BBS9: variants seen among roughly 807,000 people sequenced by gnomAD.
The protein encoded by BBS9 is Bardet-Biedl syndrome 9.
Under a neutral mutation model 117.7 loss-of-function variants are expected in BBS9, and 89 were observed. The ratio of observed to expected loss-of-function variants is 0.76; its 90% CI spans 0.64 to 0.90. BBS9 has a LOEUF of 0.90. Among genes scored for constraint, BBS9 ranks in the 40% least tolerant of loss-of-function variants. The pLI is 0.00. For missense variants in BBS9, 982 were observed against 1,042.2 expected (o/e 0.94, Z 0.80); for synonymous variants, 379 against 370.9 (o/e 1.02, Z -0.25).
At chr7:33,533,670 G>A (rs556773379) in intron 20 of BBS9, 1 of 482,714 alleles carries the variant, frequency 2.1e-6, no homozygotes, top group African/African-American at 1.9e-5. Flanking sequence ...CTGGCTCAGA[G>A]CTAAACCCTT....
chr7:33,184,682 C>T (rs907433517), intron 5 of BBS9, among the ~76,000 whole-genome samples: 2 of 152,118 alleles, frequency 1.3e-5, no homozygotes, highest in Admixed American at 1.3e-4. Context: ...TCAGGAGTCT[C>T]CTTCGTATCG....
intron 4 of BBS9, among the ~76,000 whole-genome samples, chr7:33,167,232 T>G (rs73095361): frequency 0.1 from 15,646 of 152,130 alleles, 1,119 homozygotes; most frequent in Non-Finnish European, 0.16. Context: ...GTTATAGGTA[T>G]TTTGACTTGG....
intron 1 of BBS9, among the ~76,000 whole-genome samples, chr7:33,138,780 G>A (rs1162964430): frequency 6.6e-6 from 1 of 150,682 alleles, no homozygotes; most frequent in African/African-American, 2.4e-5. Flanking sequence ...GGAAAGATGG[G>A]GTCTTGCTAT....
At chr7:33,231,371 CTG>C (rs1364229235) in intron 5 of BBS9, among the ~76,000 whole-genome samples, 1 of 144,032 alleles carries the variant, frequency 6.9e-6, no homozygotes, top group African/African-American at 2.5e-5. Flanking sequence ...TGTTGGTAGA[CTG>C]TATTAATTTG....
intron 21 of BBS9, among the ~76,000 whole-genome samples, chr7:33,572,764 T>G (rs1448151844): frequency 6.6e-6 from 1 of 152,074 alleles, no homozygotes. Flanking sequence ...GTCTGTTCAA[T>G]CTTTTACCCA....
At chr7:33,602,988 G>A (rs1261809284) in intron 21 of BBS9, among the ~76,000 whole-genome samples, 1 of 152,196 alleles carries the variant, frequency 6.6e-6, no homozygotes, top group Non-Finnish European at 1.5e-5. Flanking sequence ...TAGAGAACTA[G>A]GAAGTCTTCT....
intron 19 of BBS9, among the ~76,000 whole-genome samples, chr7:33,435,375 A>G (rs185361920): frequency 1.3e-5 from 2 of 152,290 alleles, no homozygotes; most frequent in East Asian, 1.9e-4. Context: ...TGTGAGTACA[A>G]TTTCTTGTCT....
intron 19 of BBS9, among the ~76,000 whole-genome samples, chr7:33,460,100 A>C (rs886936134): frequency 2.6e-5 from 4 of 152,164 alleles, no homozygotes; most frequent in Non-Finnish European, 5.9e-5. Context: ...TTTATTTCAT[A>C]GCCTCCTACA....
intron 19 of BBS9, among the ~76,000 whole-genome samples, chr7:33,490,941 T>C (rs1289337653): frequency 6.6e-6 from 1 of 152,228 alleles, no homozygotes; most frequent in African/African-American, 2.4e-5. Context: ...TGAATCTTGC[T>C]GCATGACTGT....
intron 5 of BBS9, among the ~76,000 whole-genome samples, chr7:33,185,034 G>C (rs1348325838): frequency 6.6e-6 from 1 of 152,210 alleles, no homozygotes; most frequent in Non-Finnish European, 1.5e-5. Context: ...ATGTTGCCAT[G>C]GCATTTGTAA....
intron 21 of BBS9, among the ~76,000 whole-genome samples, chr7:33,612,631 A>C (rs1349549669): frequency 6.6e-6 from 1 of 151,982 alleles, no homozygotes; most frequent in East Asian, 1.9e-4. Flanking sequence ...GCACTGGCTC[A>C]TGTCATCTCT....
At chr7:33,206,095 A>AGG (rs1182952740) in intron 5 of BBS9, among the ~76,000 whole-genome samples, 2 of 152,142 alleles carry the variant, frequency 1.3e-5, no homozygotes, top group African/African-American at 4.8e-5. Flanking sequence ...TTCCCCTGGC[A>AGG]GGGAGGTCAT....
At chr7:33,449,802 A>G (rs995548022) in intron 19 of BBS9, among the ~76,000 whole-genome samples, 2 of 152,210 alleles carry the variant, frequency 1.3e-5, no homozygotes, top group Non-Finnish European at 2.9e-5. Flanking sequence ...ATTCTTGGCC[A>G]ATAACAGAGA....
Position 33,616,499 on chromosome 7 carries a change from A to G in BBS9, c.2522-18678A>G, listed in dbSNP as rs552119267. ...AATATATGTGTGTGTGTGTGTATAT[A>G]TATATATATATATATATAGAAAGGA... On this transcript the variant is annotated intron_variant, in intron 21 of 21. Coordinates refer to the BBS9 transcript ENST00000671952. Among the ~76,000 whole-genome samples, 101 of 146,862 alleles carry G rather than the reference A, an allele frequency of 6.9e-4. No individual in the cohort carries two copies. In the East Asian group the frequency reaches 0.014, roughly 21 times the overall value.
intron 20 of BBS9, among the ~76,000 whole-genome samples, chr7:33,514,216 T>C (rs144355765): frequency 5.3e-5 from 8 of 152,338 alleles, no homozygotes; most frequent in Non-Finnish European, 1.2e-4. Flanking sequence ...GGTTTCCTTA[T>C]CTGTACGGTG....
intron 2 of BBS9, among the ~76,000 whole-genome samples, chr7:33,151,850 C>CTTTTT (rs11346140): frequency 1.3e-4 from 11 of 82,338 alleles, no homozygotes; most frequent in East Asian, 3.5e-4. Flanking sequence ...TGCACCCAGC[C>CTTTTT]TTTTTTTTTT....
intron 9 of BBS9, among the ~76,000 whole-genome samples, chr7:33,275,189 GA>G (rs1411816793): frequency 2.0e-5 from 3 of 151,984 alleles, no homozygotes; most frequent in Non-Finnish European, 4.4e-5. Flanking sequence ...ACGGTGTTTT[GA>G]AAACATTGAA....
intron 9 of BBS9, among the ~76,000 whole-genome samples, chr7:33,282,250 T>C (rs1186504944): frequency 6.6e-6 from 1 of 152,224 alleles, no homozygotes; most frequent in East Asian, 1.9e-4. Flanking sequence ...TAAAGTTACA[T>C]GAGTCTTATC....
chr7:33,175,260 A>C (rs1486823416), intron 4 of BBS9, among the ~76,000 whole-genome samples: 2 of 152,044 alleles, frequency 1.3e-5, no homozygotes, highest in African/African-American at 2.4e-5. Context: ...AAATTGTGCC[A>C]CTGAACTCCA....
Sources: allele counts gnomAD v4.1 joint callset (sites outside exome capture counted in the v4.1 genomes callset), GRCh38; gene constraint gnomAD v4.1.1; transcripts MANE v1.5; gene names NCBI Gene and HGNC (gene_info 2026-07-23, HGNC 2026-07-21).